The following EEF2 variants were observed in gnomAD, a reference collection of about 807,000 sequenced individuals.
EEF2 encodes the protein elongation factor 2.
EEF2 carries 21 observed loss-of-function variants against 85.3 expected under a neutral mutation model. That is an observed-to-expected ratio of 0.25 (90% CI 0.17 to 0.35). The LOEUF (loss-of-function observed/expected upper bound fraction) is 0.35. EEF2 is among the 10% of genes least tolerant of loss of function. The pLI is 1.00. For synonymous variants in EEF2, 723 were observed against 508.8 expected (o/e 1.42, Z -5.67); for missense variants, 825 against 1,225.3 (o/e 0.67, Z 4.88).
intron 6 of EEF2, among the ~76,000 whole-genome samples, 182 bp downstream of exon 6, chr19:3,981,765 T>C (rs1275378467): frequency 1.3e-5 from 2 of 152,270 alleles, no homozygotes; most frequent in African/African-American, 2.4e-5. Context: ...GCTCTGGCTA[T>C]GCAGTCCAGA....
In EEF2 at chr19:3,985,316, AGCGTAGGCCCC is replaced by A. The variant is rs892995641; in HGVS notation, c.3+51_3+61del. On this transcript the variant is annotated intron_variant, in intron 1 of 14. Transcript: ENST00000309311. ...GGGGCCCCAGCGTCCCAGGCTAGGC[AGCGTAGGCCCC>A]GCGGAGGCCCCGCCGCCGCTCCGGG... is the stretch of plus-strand genomic sequence containing the variant. The A allele has an allele frequency of 9.4e-5, 130 of 1,385,132 alleles. 2 individuals carry two copies. The African/African-American group carries it at 1.2e-3, about 13-fold the overall frequency. The allele number at this position is 1,385,132 out of a possible 1,614,324, so 85.8% of individuals were successfully genotyped here.
At chr19:3,982,096 G>A (rs369219743) in intron 5 of EEF2, 44 bp from the exon 6 acceptor site, 48 of 1,607,666 alleles carry the variant, frequency 3.0e-5, no homozygotes, top group Non-Finnish European at 3.7e-5. Flanking sequence ...GGTCTCCAGG[G>A]GATGACTTGG....
rs1363766279 is a variant in EEF2, at chr19:3,976,495, G to A, written c.*59C>T. 9 of 1,543,500 alleles carry A rather than the reference G, an allele frequency of 5.8e-6. No individual in the cohort carries two copies. The highest frequency in any genetic ancestry group is 4.7e-5 in the South Asian group (4 of 84,510). Reference sequence around the variant, plus strand: ...TCCAGGTGTCGTCTGAGAATTCGAGGACGTGGTGCTGTGGGTGCTGCGAGT... The same window carrying A: ...TCCAGGTGTCGTCTGAGAATTCGAGAACGTGGTGCTGTGGGTGCTGCGAGT... On this transcript the variant is annotated 3_prime_UTR_variant, in exon 15 of 15. Transcript: ENST00000309311.
Position 3,983,302 on chromosome 19 carries a change from G to C in EEF2, c.219-11C>G, listed in dbSNP as rs757803684. 3 of 1,611,662 alleles carry C rather than the reference G, an allele frequency of 1.9e-6. No homozygotes were observed. Among genetic ancestry groups the C allele is most frequent in the Admixed American group, 1.7e-5 (1 of 59,744 alleles). Reference sequence around the variant, plus strand: ...AAGAGGGAGATGGCACTGATGGAGGGAGGGACTCGTCAGGGGGACAGGAGC... The same window carrying C: ...AAGAGGGAGATGGCACTGATGGAGGCAGGGACTCGTCAGGGGGACAGGAGC... On this transcript the variant is annotated splice_polypyrimidine_tract_variant and intron_variant, in intron 2 of 14. Transcript: ENST00000309311.
At chr19:3,981,527 G>A in intron 6 of EEF2, 75 bp from the exon 7 acceptor site, 1 of 1,394,624 alleles carries the variant, frequency 7.2e-7, no homozygotes, top group Non-Finnish European at 1.0e-6. Flanking sequence ...TTCCTGCTTG[G>A]AAGACTCAGG....
chr19:3,985,427 A>G lies in EEF2; in HGVS notation c.-47T>C, dbSNP rs761180832. 7.5e-6 allele frequency: 11 copies of G among 1,467,048 alleles called. No homozygotes were observed. Among genetic ancestry groups the G allele is most frequent in the Middle Eastern group, 1.8e-4 (1 of 5,596 alleles). 90.9% of individuals were successfully genotyped at this position (1,467,048 alleles called of 1,614,324 possible). ...CTCCCAGGTAGAACCGAAAGAAGCGAGTCGCGCCGAGGATGGCGGCGACGA... is the reference window on the plus strand; with the variant it reads ...CTCCCAGGTAGAACCGAAAGAAGCGGGTCGCGCCGAGGATGGCGGCGACGA... On this transcript the variant is annotated 5_prime_UTR_variant, in exon 1 of 15. Coordinates refer to ENST00000309311, the MANE Select transcript of EEF2 (RefSeq NM_001961.4).
intron 6 of EEF2, 121 bp downstream of exon 6, chr19:3,981,826 C>A: frequency 2.3e-6 from 2 of 872,076 alleles, no homozygotes; most frequent in Non-Finnish European, 1.8e-6. Flanking sequence ...GTGCCTCCTC[C>A]CATCTCGCAT....
Position 3,978,796 on chromosome 19 carries a change from CTT to C in EEF2, c.1713+531_1713+532del, listed in dbSNP as rs553407410. On this transcript the variant is annotated intron_variant, in intron 11 of 14. Transcript: ENST00000309311. ...CCAGCCTAAGCAACAGAGCAAGACT[CTT>C]GTCTCAAAAAAAAAAAAAAAAAAAA... Among the ~76,000 whole-genome samples the C allele has an allele frequency of 1.0e-3, 46 of 44,756 alleles. No homozygotes were observed. In the East Asian group the frequency reaches 0.012, roughly 12 times the overall value. 29.4% of individuals were successfully genotyped at this position (44,756 alleles called of 152,430 possible). A position where few individuals can be genotyped will look rare whatever the true frequency, so the allele number is the denominator to read the frequency against.
intron 9 of EEF2, 41 bp from the exon 10 acceptor site, chr19:3,980,107 T>C (rs367974359): frequency 6.3e-6 from 10 of 1,593,334 alleles, no homozygotes; most frequent in African/African-American, 4.0e-5. Context: ...CAGGGATGGT[T>C]GTGCTGGACC....
rs1353864041 is a variant in EEF2, at chr19:3,977,568, C to T, written c.2110G>A (p.Val704Ile). The T allele has an allele frequency of 3.2e-6, 5 of 1,566,422 alleles. No individual in the cohort carries two copies. The highest frequency in any genetic ancestry group is 4.3e-6 in the Non-Finnish European group (5 of 1,162,588). Reference sequence around the variant, plus strand: ...TCGGCGTGCAGGGTGACGTCGTGGACGTCGAAGCGCACACCCCGCATGTTC... The same window carrying T: ...TCGGCGTGCAGGGTGACGTCGTGGATGTCGAAGCGCACACCCCGCATGTTC... ...EENMRGVRFD[V>I]HDVTLHADAI... Residue 704 changes from valine (V) to isoleucine (I), a missense_variant, in exon 13 of 15, where the codon GTC (valine) becomes ATC (isoleucine). By Grantham distance (29) the Val-to-Ile change is conservative. Coordinates refer to ENST00000309311, the MANE Select transcript of EEF2 (RefSeq NM_001961.4). This position sits in a 1 kb window ranked among gnomAD's most constrained non-coding sequence, Gnocchi z 5.4.
Position 3,977,809 on chromosome 19 carries a change from C to A in EEF2, c.2067+10G>T. ...CGGGTGTGGTCTGCACATGCTGAGC[C>A]GTGCCTCACCTCCTTGGTGGCCCAC... On this transcript the variant is annotated intron_variant, in intron 12 of 14. Coordinates refer to ENST00000309311, the MANE Select transcript of EEF2 (RefSeq NM_001961.4). The surrounding 1 kb of genome is among the most constrained non-coding windows in gnomAD (Gnocchi z 5.4). The A allele has an allele frequency of 6.4e-7, 1 of 1,571,252 alleles. No homozygotes were observed. The highest frequency in any genetic ancestry group is 8.7e-7 in the Non-Finnish European group (1 of 1,153,620).
chr19:3,985,154 G>A (rs973630959), intron 1 of EEF2: 3 of 435,322 alleles, frequency 6.9e-6, no homozygotes, highest in East Asian at 3.6e-5. Flanking sequence ...GCTCCAACCA[G>A]GTCTGGGCAA....
At chr19:3,979,484 G>T in intron 10 of EEF2, 48 bp from the exon 11 acceptor site, 1 of 1,494,458 alleles carries the variant, frequency 6.7e-7, no homozygotes, top group African/African-American at 1.4e-5. Context: ...GCTCGGAACA[G>T]GCGGGACCAG....
intron 2 of EEF2, among the ~76,000 whole-genome samples, chr19:3,983,509 GC>G (rs2039781096): frequency 6.6e-6 from 1 of 151,990 alleles, no homozygotes; most frequent in Non-Finnish European, 1.5e-5. Context: ...GATCCTCAGA[GC>G]CCTCCTGACC....
intron 2 of EEF2, chr19:3,983,925 T>TC: frequency 1.7e-6 from 1 of 592,892 alleles, no homozygotes; most frequent in Non-Finnish European, 3.0e-6. Context: ...TTAAGCCCCC[T>TC]CCTCAAGAAA....
At position 3,978,323 on chromosome 19, in the gene EEF2, G is replaced by A. The variant is rs573663913; in HGVS notation, c.1714-151C>T. 24 of 635,558 alleles carry A rather than the reference G, an allele frequency of 3.8e-5. No homozygotes were observed. In the African/African-American group the frequency reaches 3.9e-4, roughly 10 times the overall value. 39.4% of individuals were successfully genotyped at this position (635,558 alleles called of 1,614,324 possible). ...AACGAAGCGGAGTCAGTGTTGCAGTGCCAAGCGCATCTCACTCCAGACAAG... is the reference window on the plus strand; with the variant it reads ...AACGAAGCGGAGTCAGTGTTGCAGTACCAAGCGCATCTCACTCCAGACAAG... On this transcript the variant is annotated intron_variant, in intron 11 of 14. Coordinates refer to ENST00000309311, the MANE Select transcript of EEF2 (RefSeq NM_001961.4).
chr19:3,978,229 A>T, intron 11 of EEF2, 57 bp from the exon 12 acceptor site: 1 of 1,388,056 alleles, frequency 7.2e-7, no homozygotes. Flanking sequence ...CCTTACACAC[A>T]GACGCATCCT....
Position 3,980,642 on chromosome 19 carries a change from G to C in EEF2, c.1218C>G (p.Asp406Glu). 1.2e-6 allele frequency: 2 copies of C among 1,614,232 alleles called. No individual in the cohort carries two copies. The highest frequency in any genetic ancestry group is 1.7e-6 in the Non-Finnish European group (2 of 1,180,038). Reference sequence around the variant, plus strand: ...GTCCAAAGGCGTAGAACCGACCTTTGTCGGAGGTTGGCACCATTTTGGAAA... The same window carrying C: ...GTCCAAAGGCGTAGAACCGACCTTTCTCGGAGGTTGGCACCATTTTGGAAA... ...MYISKMVPTSDKGRFYAFGRV... is the reference protein window; with the variant it reads ...MYISKMVPTSEKGRFYAFGRV... The change falls in exon 9 of 15, where the codon GAC becomes GAG. Residue 406 changes from aspartate (D) to glutamate (E), a missense_variant. Coordinates refer to ENST00000309311, the MANE Select transcript of EEF2 (RefSeq NM_001961.4).
intron 10 of EEF2, 38 bp downstream of exon 10, chr19:3,979,770 C>G: frequency 6.3e-7 from 1 of 1,597,426 alleles, no homozygotes; most frequent in Non-Finnish European, 8.5e-7. Context: ...CGTCCCCCCT[C>G]AGGGTGTCTG....
Sources: allele counts gnomAD v4.1 joint callset (sites outside exome capture counted in the v4.1 genomes callset), GRCh38; gene constraint gnomAD v4.1.1; non-coding constraint Gnocchi (gnomAD v3.1); transcripts MANE v1.5; gene names NCBI Gene and HGNC (gene_info 2026-07-23, HGNC 2026-07-21).